RPS6KA4: variants seen among roughly 807,000 people sequenced by gnomAD.
RPS6KA4 encodes the protein ribosomal protein S6 kinase A4.
In RPS6KA4, 38 loss-of-function variants were observed where a neutral mutation model predicts 89.6. That is an observed-to-expected ratio of 0.42 (90% CI 0.33 to 0.56). The LOEUF is 0.56. RPS6KA4 is among the 20% of genes least tolerant of loss of function. The probability of loss-of-function intolerance (pLI) is 0.07; values close to 1 mark genes in which losing one functional copy is unlikely to be tolerated. For synonymous variants in RPS6KA4, 495 were observed against 492.8 expected (o/e 1.00, Z -0.06); for missense variants, 873 against 1,098.8 (o/e 0.79, Z 2.90).
At chr11:64,365,502 A>G (rs1246720476) in intron 9 of RPS6KA4, 37 bp downstream of exon 9, 1 of 1,610,360 alleles carries the variant, frequency 6.2e-7, no homozygotes, top group Non-Finnish European at 8.5e-7. Context: ...TGCAGGAGAG[A>G]TGAGATGTTG....
chr11:64,367,825 C>G (rs2135340945), intron 9 of RPS6KA4, among the ~76,000 whole-genome samples: 1 of 152,290 alleles, frequency 6.6e-6, no homozygotes, highest in Middle Eastern at 3.4e-3. Context: ...ACTCAGGCCA[C>G]ACTTTCAATA....
Position 64,369,897 on chromosome 11 carries a change from T to C in RPS6KA4, c.1797+4T>C, listed in dbSNP as rs1340550308. On this transcript the variant is annotated splice_donor_region_variant and intron_variant, in intron 14 of 16. Coordinates refer to ENST00000334205, the MANE Select transcript of RPS6KA4 (RefSeq NM_003942.3). ...CTGGAGCCTGGGCGTCATTCTGGTA[T>C]GGGACGCGGTCCTTGAGGCGGGGTC... 5.2e-6 allele frequency: 8 copies of C among 1,532,426 alleles called. No individual in the cohort carries two copies. The East Asian group carries it at 1.2e-4, about 24-fold the overall frequency. 94.9% of individuals were successfully genotyped at this position (1,532,426 alleles called of 1,614,324 possible).
rs759679554 is a variant in RPS6KA4 at position 64,370,524 on chromosome 11, C to T, written c.1958-39C>T. 1.6e-5 allele frequency: 26 copies of T among 1,588,722 alleles called. No individual in the cohort carries two copies. The highest frequency in any genetic ancestry group is 1.7e-4 in the Middle Eastern group (1 of 5,902). On this transcript the variant is annotated intron_variant, in intron 15 of 16. Coordinates refer to ENST00000334205, the MANE Select transcript of RPS6KA4 (RefSeq NM_003942.3). The surrounding 1 kb of genome is among the most constrained non-coding windows in gnomAD (Gnocchi z 4.1). ...CGATCTCTTTGGGGCTCAGCCTTTA[C>T]GCCAGGCTCCTCCCCACACTTCCTT... is the stretch of plus-strand genomic sequence containing the variant.
rs1190199851 is a variant in RPS6KA4 at position 64,361,021 on chromosome 11, A to C, written c.463-113A>C. 4 of 773,454 alleles carry C rather than the reference A, an allele frequency of 5.2e-6. No individual in the cohort carries two copies. The highest frequency in any genetic ancestry group is 8.3e-6 in the Non-Finnish European group (4 of 479,484). 47.9% of individuals were successfully genotyped at this position (773,454 alleles called of 1,614,324 possible). A position where few individuals can be genotyped will look rare whatever the true frequency, so the allele number is the denominator to read the frequency against. On this transcript the variant is annotated intron_variant, in intron 4 of 16. Transcript: ENST00000334205. This position sits in a 1 kb window ranked among gnomAD's most constrained non-coding sequence, Gnocchi z 4.7. ...TGGCTCTGCCCTGGAGACCCCCTCT[A>C]CAGGCAGATGACTTTCTCTGGGGGG... is the stretch of plus-strand genomic sequence containing the variant.
Position 64,363,959 on chromosome 11 carries a change from A to G in RPS6KA4, c.907-1342A>G, listed in dbSNP as rs531142567. 7.0e-4 allele frequency among the ~76,000 whole-genome samples: 107 copies of G among 152,300 alleles called. 2 individuals carry two copies. The South Asian group carries it at 0.018, about 26-fold the overall frequency. On this transcript the variant is annotated intron_variant, in intron 8 of 16. Transcript: ENST00000334205. ...ATCAAGTTTGGTGCTAGCCACAGAG[A>G]TCAGAATGAACAGAGTGACCTAAGA... is the stretch of plus-strand genomic sequence containing the variant.
intron 10 of RPS6KA4, 47 bp downstream of exon 10, chr11:64,368,307 G>T: frequency 1.3e-6 from 2 of 1,599,322 alleles, no homozygotes; most frequent in Non-Finnish European, 1.7e-6. Flanking sequence ...TTTAGGAGAG[G>T]CCTAGGCCCG....
rs796456821 is a variant in RPS6KA4 at position 64,366,782 on chromosome 11, C to A, written c.1071+1317C>A. Among the ~76,000 whole-genome samples, 9 of 152,336 alleles carry A rather than the reference C, an allele frequency of 5.9e-5. No individual in the cohort carries two copies. In the South Asian group the frequency reaches 1.9e-3, roughly 32 times the overall value. On this transcript the variant is annotated intron_variant, in intron 9 of 16. Coordinates refer to ENST00000334205, the MANE Select transcript of RPS6KA4 (RefSeq NM_003942.3). ...AGGGGGTCACCCTTTCTTTGTGCTG[C>A]AGTCCTCTGTGGACAGCATCTCCTT...
chr11:64,361,720 A>C lies in RPS6KA4; in HGVS notation c.730A>C (p.Arg244=). The part of the protein sequence containing the change: ...GASPFTLEGE[R]NTQAEVSRRI... ...CTCGCCCTTCACCCTGGAGGGCGAGAGGAACACGCAGGCTGAGGTGTCTCG... is the reference window on the plus strand; with the variant it reads ...CTCGCCCTTCACCCTGGAGGGCGAGCGGAACACGCAGGCTGAGGTGTCTCG... Residue 244 remains arginine, a synonymous_variant, in exon 7 of 17, where the codon AGG becomes CGG. Transcript: ENST00000334205. This position sits in a 1 kb window ranked among gnomAD's most constrained non-coding sequence, Gnocchi z 4.7. 6.2e-7 allele frequency: 1 copy of C among 1,606,104 alleles called. No homozygotes were observed. Among genetic ancestry groups the C allele is most frequent in the Middle Eastern group, 1.7e-4 (1 of 6,018 alleles).
chr11:64,368,623 C>A (rs1341597724), intron 11 of RPS6KA4, 22 bp downstream of exon 11: 1 of 1,586,298 alleles, frequency 6.3e-7, no homozygotes. Context: ...CAGGCGCGGG[C>A]AGGGGTGGGG....
chr11:64,368,165 G>T lies in RPS6KA4; in HGVS notation c.1105G>T (p.Asp369Tyr). 4 of 1,613,676 alleles carry T rather than the reference G, an allele frequency of 2.5e-6. No homozygotes were observed. The highest frequency in any genetic ancestry group is 3.4e-6 in the Non-Finnish European group (4 of 1,180,018). ...CTTTGTGGCACCCTCCATTCTCTTTGACCACAACAACGCGGTGATGACCGA... is the reference window on the plus strand; with the variant it reads ...CTTTGTGGCACCCTCCATTCTCTTTTACCACAACAACGCGGTGATGACCGA... The part of the protein sequence containing the change: ...YSFVAPSILF[D>Y]HNNAVMTDGL... The change falls in exon 10 of 17, where the codon GAC (aspartate) becomes TAC (tyrosine). Residue 369 changes from aspartate (D) to tyrosine (Y), a missense_variant. Physicochemically the swap from Asp to Tyr is radical, Grantham distance 160. This residue lies in a region of RPS6KA4 where 542 missense variants were observed against 736.4 expected (regional missense o/e 0.74). Coordinates refer to ENST00000334205, the MANE Select transcript of RPS6KA4 (RefSeq NM_003942.3).
chr11:64,369,758 C>A lies in RPS6KA4; in HGVS notation c.1662C>A (p.Phe554Leu). ...CGGTGAAAATCATCGACTTCGGGTTCGCGCGGTTGCGGCCGCAGAGTCCCG... is the reference window on the plus strand; with the variant it reads ...CGGTGAAAATCATCGACTTCGGGTTAGCGCGGTTGCGGCCGCAGAGTCCCG... ...GAPVKIIDFG[F>L]ARLRPQSPGV... is the part of the protein sequence containing the mutation. Residue 554 changes from phenylalanine to leucine, a missense_variant, in exon 14 of 17, where the codon TTC (phenylalanine) becomes TTA (leucine). Coordinates refer to ENST00000334205, the MANE Select transcript of RPS6KA4 (RefSeq NM_003942.3). 3 of 1,611,740 alleles carry A rather than the reference C, an allele frequency of 1.9e-6. No individual in the cohort carries two copies. The highest frequency in any genetic ancestry group is 2.5e-6 in the Non-Finnish European group (3 of 1,179,392).
At chr11:64,364,720 GT>G (rs2036835378) in intron 8 of RPS6KA4, among the ~76,000 whole-genome samples, 1 of 141,234 alleles carries the variant, frequency 7.1e-6, no homozygotes, top group Admixed American at 7.3e-5. Flanking sequence ...AAAGAGATTT[GT>G]TTTTCACGCC....
Position 64,371,615 on chromosome 11 carries a change from G to A in RPS6KA4, c.*135G>A, listed in dbSNP as rs2037079922. On this transcript the variant is annotated 3_prime_UTR_variant, in exon 17 of 17. Coordinates refer to ENST00000334205, the MANE Select transcript of RPS6KA4 (RefSeq NM_003942.3). Reference sequence around the variant, plus strand: ...CCTCTCCTACCCCACCCCACTCCCAGACAGAGCAGAAGTATTTTTATAAGC... The same window carrying A: ...CCTCTCCTACCCCACCCCACTCCCAAACAGAGCAGAAGTATTTTTATAAGC... The A allele has an allele frequency of 1.8e-6, 1 of 565,812 alleles. No individual in the cohort carries two copies. The highest frequency in any genetic ancestry group is 3.3e-5 in the Admixed American group (1 of 30,378). 35.0% of individuals were successfully genotyped at this position (565,812 alleles called of 1,614,324 possible). A position where few individuals can be genotyped will look rare whatever the true frequency, so the allele number is the denominator to read the frequency against.
Position 64,371,448 on chromosome 11 carries a change from CGCCGAGCCAACGGCCCCCT to C in RPS6KA4, c.2291_2309del (p.Arg764ProfsTer14). The C allele has an allele frequency of 6.4e-7, 1 of 1,567,362 alleles. No individual in the cohort carries two copies. Among genetic ancestry groups the C allele is most frequent in the Non-Finnish European group, 8.7e-7 (1 of 1,152,016 alleles). ...CCCCGTCGCCTCCAAAGGGGCCCCC[CGCCGAGCCAACGGCCCCCT>C]GCCCCCCTCCTAATCCCCACCACTG... On this transcript the variant is annotated frameshift_variant, in exon 17 of 17. Transcript: ENST00000334205. LOFTEE classifies it high-confidence loss of function.
Position 64,361,140 on chromosome 11 carries a change from A to T in RPS6KA4, c.469A>T (p.Ile157Phe). 1.2e-6 allele frequency: 2 copies of T among 1,612,996 alleles called. No homozygotes were observed. Among genetic ancestry groups the T allele is most frequent in the African/African-American group, 1.3e-5 (1 of 75,004 alleles). Residue 157 changes from isoleucine (I) to phenylalanine (F), a missense_variant, in exon 5 of 17, where the codon ATC becomes TTC. By Grantham distance (21) the Ile-to-Phe change is conservative. Transcript: ENST00000334205. The surrounding 1 kb of genome is among the most constrained non-coding windows in gnomAD (Gnocchi z 4.7). ...LALEHLHKLG[I>F]IYRDLKLENV... ...CCCCTCTTGCTCCTACCAGCTCGGC[A>T]TCATTTACCGAGACCTGAAACTGGA...
At chr11:64,362,922 C>T (rs766021175) in intron 8 of RPS6KA4, among the ~76,000 whole-genome samples, 4 of 152,176 alleles carry the variant, frequency 2.6e-5, no homozygotes, top group African/African-American at 7.2e-5. Flanking sequence ...CCACCTGCCT[C>T]ATCCTCCCAA....
rs746258369 is a variant in RPS6KA4, at chr11:64,361,642, G to T, written c.652G>T (p.Ala218Ser). 1.2e-5 allele frequency: 19 copies of T among 1,613,210 alleles called. No individual in the cohort carries two copies. The highest frequency in any genetic ancestry group is 1.6e-5 in the Non-Finnish European group (19 of 1,179,944). Residue 218 changes from alanine (A) to serine (S), a missense_variant and splice_region_variant, in exon 7 of 17, where the codon GCT becomes TCT. Physicochemically the swap from Ala to Ser is moderately conservative, Grantham distance 99. This residue lies in a region of RPS6KA4 where 542 missense variants were observed against 736.4 expected (regional missense o/e 0.74). Transcript: ENST00000334205. This position sits in a 1 kb window ranked among gnomAD's most constrained non-coding sequence, Gnocchi z 4.7. ...IIRSKTGHGK[A>S]VDWWSLGILL... ...CCCTCACCCCGGCTCCACCCGGCAG[G>T]CTGTGGACTGGTGGAGCCTGGGCAT...
chr11:64,371,249 G>T (rs750218452), intron 16 of RPS6KA4, 34 bp from the exon 17 acceptor site: 41 of 1,600,226 alleles, frequency 2.6e-5, no homozygotes, highest in Non-Finnish European at 3.1e-5. Context: ...GGGTCAGGCG[G>T]GGGTGGGGGC....
chr11:64,360,515 C>T lies in RPS6KA4; in HGVS notation c.385C>T (p.Gln129Ter). Residue 129 changes from glutamine (Q) to a stop codon, truncating the protein, a stop_gained, in exon 4 of 17, where the codon CAG (glutamine) becomes TAG (stop). Coordinates refer to ENST00000334205, the MANE Select transcript of RPS6KA4 (RefSeq NM_003942.3). LOFTEE classifies it high-confidence loss of function. ...CGGGGAGATGTTCACCCACCTCTACCAGCGCCAGTACTTCAAGGAGGCTGA... is the reference window on the plus strand; with the variant it reads ...CGGGGAGATGTTCACCCACCTCTACTAGCGCCAGTACTTCAAGGAGGCTGA... The part of the protein sequence containing the change: ...SGGEMFTHLY[Q>*]RQYFKEAEVR... 1 of 1,612,118 alleles carries T rather than the reference C, an allele frequency of 6.2e-7. No homozygotes were observed. Among genetic ancestry groups the T allele is most frequent in the Non-Finnish European group, 8.5e-7 (1 of 1,179,072 alleles).
Sources: allele counts gnomAD v4.1 joint callset (sites outside exome capture counted in the v4.1 genomes callset), GRCh38; gene constraint gnomAD v4.1.1; regional missense constraint gnomAD v4.1.1; non-coding constraint Gnocchi (gnomAD v3.1); transcripts MANE v1.5; gene names NCBI Gene and HGNC (gene_info 2026-07-23, HGNC 2026-07-21).